The following SPATA21 variants were observed in gnomAD, a reference collection of about 807,000 sequenced individuals.
The protein encoded by SPATA21 is spermatogenesis associated 21.
In SPATA21, 47 loss-of-function variants were observed where a neutral mutation model predicts 54.8. The ratio of observed to expected loss-of-function variants is 0.86; its 90% CI spans 0.68 to 1.09. The LOEUF is 1.09. Among genes scored for constraint, SPATA21 ranks in the 50% least tolerant of loss-of-function variants. SPATA21 has a pLI of 0.00. For missense variants in SPATA21, 599 were observed against 596.4 expected (o/e 1.00, Z -0.05); for synonymous variants, 245 against 235.3 (o/e 1.04, Z -0.38).
Position 16,400,520 on chromosome 1 carries a change from C to G in SPATA21, c.1174+200G>C. The G allele has an allele frequency of 3.7e-6, 5 of 1,353,690 alleles. No individual in the cohort carries two copies. The South Asian group carries it at 9.2e-5, about 25-fold the overall frequency. 83.9% of individuals were successfully genotyped at this position (1,353,690 alleles called of 1,614,324 possible). ...AAGGCAGGAGGGGAGGAGTCCAACGCAGGAGGCCATTGTCATAGGCCTGGA... is the reference window on the plus strand; with the variant it reads ...AAGGCAGGAGGGGAGGAGTCCAACGGAGGAGGCCATTGTCATAGGCCTGGA... On this transcript the variant is annotated intron_variant, in intron 11 of 12. Coordinates refer to ENST00000335496, the MANE Select transcript of SPATA21 (RefSeq NM_198546.1).
intron 5 of SPATA21, 74 bp from the exon 6 acceptor site, chr1:16,410,117 C>G: frequency 7.9e-7 from 1 of 1,261,050 alleles, no homozygotes; most frequent in East Asian, 2.5e-5. Context: ...CCTGCCATCC[C>G]CTCTCCAGAG....
rs2086174452 is a variant in SPATA21, at chr1:16,421,606, T to A, written c.96-49A>T. ...GTGGGGGAAGCGCTCAGCTGAAGGT[T>A]TGCCCCCCTGCCCTCCCCTCTCAGC... On this transcript the variant is annotated intron_variant, in intron 4 of 12. Coordinates refer to ENST00000335496, the MANE Select transcript of SPATA21 (RefSeq NM_198546.1). This position sits in a 1 kb window ranked among gnomAD's most constrained non-coding sequence, Gnocchi z 5.2. 28 of 1,573,074 alleles carry A rather than the reference T, an allele frequency of 1.8e-5. No homozygotes were observed. Among genetic ancestry groups the A allele is most frequent in the Non-Finnish European group, 2.4e-5 (28 of 1,154,852 alleles).
intron 5 of SPATA21, among the ~76,000 whole-genome samples, chr1:16,419,600 G>A (rs555295083): frequency 1.3e-5 from 2 of 152,328 alleles, no homozygotes; most frequent in South Asian, 4.1e-4. Context: ...TAGCCAGCCA[G>A]AGGGAATTCA....
At chr1:16,422,791 A>G (rs2086208725) in intron 3 of SPATA21, among the ~76,000 whole-genome samples, 1 of 152,102 alleles carries the variant, frequency 6.6e-6, no homozygotes, top group African/African-American at 2.4e-5. Context: ...TACAGGCATC[A>G]GTCACCATGC....
chr1:16,400,694 C>T (rs750679983), intron 11 of SPATA21, 26 bp downstream of exon 11: 17 of 1,595,224 alleles, frequency 1.1e-5, no homozygotes, highest in Non-Finnish European at 1.3e-5. Flanking sequence ...AACCCTAGCC[C>T]ATCCCACCCT....
chr1:16,403,815 G>C lies in SPATA21; in HGVS notation c.913C>G (p.His305Asp). The C allele has an allele frequency of 6.2e-7, 1 of 1,611,118 alleles. No homozygotes were observed. Among genetic ancestry groups the C allele is most frequent in the Non-Finnish European group, 8.5e-7 (1 of 1,178,578 alleles). Residue 305 changes from histidine to aspartate, a missense_variant, in exon 10 of 13, where the codon CAC (histidine) becomes GAC (aspartate). His to Asp is a moderately conservative substitution (Grantham distance 81, BLOSUM62 -1). Coordinates refer to ENST00000335496, the MANE Select transcript of SPATA21 (RefSeq NM_198546.1). ...TCAAAGAGTAGAGTGTGGGGGTTGT[G>C]GGGAGCCATGTCCGACAGGGCGTTC... ...EQNALSDMAP[H>D]NPHTLLFEIL... is the part of the protein sequence containing the mutation.
chr1:16,411,684 G>A (rs2085849815), intron 5 of SPATA21, among the ~76,000 whole-genome samples: 1 of 151,416 alleles, frequency 6.6e-6, no homozygotes, highest in Non-Finnish European at 1.5e-5. Context: ...CAGCTACTAA[G>A]GAGGCTGAGG....
intron 10 of SPATA21, among the ~76,000 whole-genome samples, chr1:16,401,317 CAG>C (rs1048452774): frequency 2.0e-5 from 3 of 152,144 alleles, no homozygotes; most frequent in African/African-American, 7.2e-5. Flanking sequence ...GGCGGGGAGA[CAG>C]AGTCTCACTC....
chr1:16,401,031 C>T lies in SPATA21; in HGVS notation c.1002-139G>A. 2.9e-6 allele frequency: 3 copies of T among 1,027,436 alleles called. No individual in the cohort carries two copies. The South Asian group carries it at 5.0e-5, about 17-fold the overall frequency. 63.6% of individuals were successfully genotyped at this position (1,027,436 alleles called of 1,614,324 possible). On this transcript the variant is annotated intron_variant, in intron 10 of 12. Transcript: ENST00000335496. ...GGAAACCTGGCTTCTAGTCTCAGCT[C>T]AGCCCTTTCTGTGACCATGAGCAAG...
chr1:16,434,683 G>T (rs1319253534), intron 1 of SPATA21, among the ~76,000 whole-genome samples: 1 of 151,992 alleles, frequency 6.6e-6, no homozygotes, highest in Non-Finnish European at 1.5e-5. Flanking sequence ...CATTTCTCTT[G>T]GTTATGTATA....
At chr1:16,426,579 A>ATATAT (rs1401259793) in intron 3 of SPATA21, among the ~76,000 whole-genome samples, 5 of 107,154 alleles carry the variant, frequency 4.7e-5, no homozygotes, top group South Asian at 3.0e-4. Flanking sequence ...ATATATATAT[A>ATATAT]TTTTTTTTTT....
At chr1:16,431,842 G>A (rs1252740606) in intron 2 of SPATA21, among the ~76,000 whole-genome samples, 5 of 152,142 alleles carry the variant, frequency 3.3e-5, no homozygotes, top group Non-Finnish European at 5.9e-5. Context: ...TGTGATGAGC[G>A]AAATGATACA....
intron 3 of SPATA21, among the ~76,000 whole-genome samples, chr1:16,426,934 C>T (rs148876015): frequency 6.8e-4 from 104 of 152,140 alleles, no homozygotes; most frequent in Non-Finnish European, 1.1e-3. Flanking sequence ...TGCTAAAAAT[C>T]CTTCAGAAAC....
rs531113526 is a variant in SPATA21 at position 16,421,800 on chromosome 1, C to G, written c.95+111G>C. On this transcript the variant is annotated intron_variant, in intron 4 of 12. Transcript: ENST00000335496. This position sits in a 1 kb window ranked among gnomAD's most constrained non-coding sequence, Gnocchi z 5.2. Reference sequence around the variant, plus strand: ...GAGACCCAGCGGAGCATGACTTGCCCAAGGTCCTCTACCAGGTCAGGAGCA... The same window carrying G: ...GAGACCCAGCGGAGCATGACTTGCCGAAGGTCCTCTACCAGGTCAGGAGCA... The G allele has an allele frequency of 6.6e-5, 101 of 1,523,968 alleles. No homozygotes were observed. Among genetic ancestry groups the G allele is most frequent in the Non-Finnish European group, 8.8e-5 (97 of 1,105,032 alleles). 94.4% of individuals were successfully genotyped at this position (1,523,968 alleles called of 1,614,324 possible).
intron 11 of SPATA21, 138 bp downstream of exon 11, chr1:16,400,582 C>T (rs191334042): frequency 1.3e-6 from 2 of 1,485,002 alleles, no homozygotes; most frequent in African/African-American, 1.4e-5. Context: ...TTCTGATGTA[C>T]ACAGTTAAGC....
rs771630687 is a variant in SPATA21 at position 16,409,958 on chromosome 1, C to G, written c.230G>C (p.Ser77Thr). 1 of 1,612,954 alleles carries G rather than the reference C, an allele frequency of 6.2e-7. No homozygotes were observed. Among genetic ancestry groups the G allele is most frequent in the Non-Finnish European group, 8.5e-7 (1 of 1,179,552 alleles). ...QKPAVAAGTQ[S>T]LGNFRQGFMK... ...GAAGCCCTGCCGGAAGTTCCCGAGG[C>G]TCTGTGTCCCTGCAGCCACCGCGGG... The change falls in exon 6 of 13, where the codon AGC becomes ACC. Residue 77 changes from serine (S) to threonine (T), a missense_variant. Ser to Thr is a moderately conservative substitution (Grantham distance 58). Coordinates refer to ENST00000335496, the MANE Select transcript of SPATA21 (RefSeq NM_198546.1). This position sits in a 1 kb window ranked among gnomAD's most constrained non-coding sequence, Gnocchi z 4.1.
At chr1:16,437,623 CT>C (rs1030919039), upstream of SPATA21, among the ~76,000 whole-genome samples, 25 of 152,302 alleles carry the variant, frequency 1.6e-4, no homozygotes, top group African/African-American at 5.8e-4. Flanking sequence ...GACTGCTTTT[CT>C]CTCTGTCTCC....
intron 3 of SPATA21, among the ~76,000 whole-genome samples, chr1:16,426,632 G>A (rs2086333286): frequency 7.0e-6 from 1 of 142,386 alleles, no homozygotes; most frequent in South Asian, 2.2e-4. Flanking sequence ...CCAGGCTGGA[G>A]TGCAGTGGAG....
chr1:16,432,186 A>G (rs776954281), intron 2 of SPATA21, among the ~76,000 whole-genome samples: 4 of 148,936 alleles, frequency 2.7e-5, no homozygotes, highest in African/African-American at 1.0e-4. Flanking sequence ...CAGTGCTGCA[A>G]TCTTGGCTCA....
Sources: gnomAD v4.1 joint callset for allele counts (sites outside exome capture counted in the v4.1 genomes callset) on GRCh38, gnomAD v4.1.1 for gene constraint, Gnocchi (gnomAD v3.1) non-coding constraint, MANE v1.5 for transcripts, NCBI Gene and HGNC (gene_info 2026-07-23, HGNC 2026-07-21) for gene names.